Variants in DIAPH3 observed in about 807,000 individuals in gnomAD.
DIAPH3 encodes protein diaphanous homolog 3.
In DIAPH3, 117 loss-of-function variants were observed where a neutral mutation model predicts 144.3. That is an observed-to-expected ratio of 0.81 (90% confidence interval 0.70 to 0.95). DIAPH3 has a LOEUF of 0.95. Ranked by LOEUF, DIAPH3 falls within the 40% of genes least tolerant of loss-of-function variation. The probability of loss-of-function intolerance (pLI) is 0.00; values close to 1 mark genes in which losing one functional copy is unlikely to be tolerated. For synonymous variants in DIAPH3, 519 were observed against 488.9 expected (o/e 1.06, Z -0.81); for missense variants, 1,421 against 1,412.7 (o/e 1.01, Z -0.09).
intron 27 of DIAPH3, among the ~76,000 whole-genome samples, chr13:59,680,804 GTAC>G (rs1365353186): frequency 6.6e-6 from 1 of 151,934 alleles, no homozygotes; most frequent in Non-Finnish European, 1.5e-5. Flanking sequence ...TTTTGCAATG[GTAC>G]TACTTTTCTC....
At chr13:59,908,224 G>A (rs2046828041) in intron 20 of DIAPH3, among the ~76,000 whole-genome samples, 1 of 151,576 alleles carries the variant, frequency 6.6e-6, no homozygotes, top group Non-Finnish European at 1.5e-5. Flanking sequence ...CAAAAAGTTG[G>A]CTGGGCTTGG....
intron 27 of DIAPH3, among the ~76,000 whole-genome samples, chr13:59,760,500 TACA>T (rs1209089602): frequency 1.7e-4 from 26 of 152,218 alleles, no homozygotes; most frequent in Non-Finnish European, 1.2e-4. Flanking sequence ...AGAGCTAAAA[TACA>T]ACAAGATGTT....
At chr13:60,032,840 T>C (rs2054905652) in intron 5 of DIAPH3, among the ~76,000 whole-genome samples, 1 of 152,246 alleles carries the variant, frequency 6.6e-6, no homozygotes, top group African/African-American at 2.4e-5. Context: ...AAAACCTTTT[T>C]CTTTGCCACA....
chr13:59,916,650 T>C (rs999461725), intron 18 of DIAPH3, among the ~76,000 whole-genome samples: 1 of 152,178 alleles, frequency 6.6e-6, no homozygotes, highest in African/African-American at 2.4e-5. Context: ...GCATATGTAT[T>C]ATTTGCTTGT....
intron 27 of DIAPH3, among the ~76,000 whole-genome samples, chr13:59,713,595 TGG>T (rs1202716485): frequency 6.6e-6 from 1 of 151,874 alleles, no homozygotes; most frequent in Non-Finnish European, 1.5e-5. Context: ...GGCAGCAGTG[TGG>T]GGGACTAAAG....
At chr13:59,796,139 T>C (rs941375435) in intron 25 of DIAPH3, among the ~76,000 whole-genome samples, 7 of 152,190 alleles carry the variant, frequency 4.6e-5, no homozygotes, top group Admixed American at 1.3e-4. Context: ...TCTGTGGGTG[T>C]TTATAAACAT....
Position 59,726,651 on chromosome 13 carries a change from G to A in DIAPH3, c.3319+47538C>T, listed in dbSNP as rs2035615797. On this transcript the variant is annotated intron_variant, in intron 27 of 27. Transcript: ENST00000400324. The stretch of plus-strand genomic sequence containing the variant: ...GTCTCACTCCTCAATGCCTGGCCAA[G>A]AGGGGCTCAGATGGCTGATGTAGTG... Among the ~76,000 whole-genome samples, 3 of 152,164 alleles carry A rather than the reference G, an allele frequency of 2.0e-5. No homozygotes were observed. In the South Asian group the frequency reaches 6.2e-4, roughly 32 times the overall value.
At chr13:59,676,178 C>T (rs2032638771) in intron 27 of DIAPH3, among the ~76,000 whole-genome samples, 1 of 152,200 alleles carries the variant, frequency 6.6e-6, no homozygotes, top group African/African-American at 2.4e-5. Context: ...TTGGTGGAAC[C>T]ACCTAGCCAA....
At chr13:59,760,541 C>T (rs1016942374) in intron 27 of DIAPH3, among the ~76,000 whole-genome samples, 8 of 152,152 alleles carry the variant, frequency 5.3e-5, no homozygotes, top group East Asian at 3.8e-4. Context: ...TAAACCCTAA[C>T]GGTATTTACT....
chr13:59,787,101 A>C (rs1245251175), intron 25 of DIAPH3, among the ~76,000 whole-genome samples: 1 of 152,166 alleles, frequency 6.6e-6, no homozygotes, highest in Non-Finnish European at 1.5e-5. Flanking sequence ...ACCTTGTCTC[A>C]ATAACAATAA....
At position 59,816,761 on chromosome 13, in the gene DIAPH3, T is replaced by A. The variant is rs188682972; in HGVS notation, c.3028-5838A>T. Among the ~76,000 whole-genome samples, 6 of 151,966 alleles carry A rather than the reference T, an allele frequency of 3.9e-5. No individual in the cohort carries two copies. The East Asian group carries it at 1.2e-3, about 29-fold the overall frequency. ...CATATTTTGGGGGTACATATGATAA[T>A]CTGATACTTTTATATAATGTGTAAA... On this transcript the variant is annotated intron_variant, in intron 24 of 27. Coordinates refer to ENST00000400324, the MANE Select transcript of DIAPH3 (RefSeq NM_001042517.2).
intron 27 of DIAPH3, among the ~76,000 whole-genome samples, chr13:59,712,994 G>C (rs1422032078): frequency 1.3e-5 from 2 of 152,022 alleles, no homozygotes; most frequent in African/African-American, 4.8e-5. Context: ...AATAGAGTTC[G>C]TGCTCCTATG....
intron 27 of DIAPH3, among the ~76,000 whole-genome samples, chr13:59,738,044 G>C (rs1178632611): frequency 6.6e-6 from 1 of 152,062 alleles, no homozygotes; most frequent in African/African-American, 2.4e-5. Context: ...GTGGGCACCT[G>C]TAATCCTAGC....
At chr13:59,986,988 T>G (rs1421554322) in intron 12 of DIAPH3, among the ~76,000 whole-genome samples, 90 of 151,584 alleles carry the variant, frequency 5.9e-4, no homozygotes, top group East Asian at 2.0e-3. Context: ...TATACCCAAA[T>G]GACTATAAAT....
intron 21 of DIAPH3, among the ~76,000 whole-genome samples, chr13:59,874,605 G>T (rs866443626): frequency 6.6e-6 from 1 of 152,052 alleles, no homozygotes; most frequent in Non-Finnish European, 1.5e-5. Context: ...ACTCTGAGAC[G>T]AACTCATTAG....
intron 12 of DIAPH3, among the ~76,000 whole-genome samples, chr13:59,988,807 T>C (rs2051607394): frequency 6.6e-6 from 1 of 151,864 alleles, no homozygotes; most frequent in Non-Finnish European, 1.5e-5. Context: ...CGTGGTATTT[T>C]ACACATGGTA....
In DIAPH3 at chr13:60,026,595, T is replaced by C. The variant is rs535575777; in HGVS notation, c.627-10450A>G. Among the ~76,000 whole-genome samples the C allele has an allele frequency of 2.6e-5, 4 of 152,102 alleles. No homozygotes were observed. The South Asian group carries it at 8.4e-4, about 32-fold the overall frequency. On this transcript the variant is annotated intron_variant, in intron 5 of 27. Transcript: ENST00000400324. ...AAATGTCTACAGAAAAAAATGTTTA[T>C]GCTTTAGATTGAAAAAAAAAATGTT...
At chr13:59,886,882 T>C (rs1171096757) in intron 20 of DIAPH3, among the ~76,000 whole-genome samples, 2 of 152,066 alleles carry the variant, frequency 1.3e-5, no homozygotes, top group African/African-American at 2.4e-5. Flanking sequence ...TTTCCTCTAA[T>C]GTATTCATCT....
intron 24 of DIAPH3, among the ~76,000 whole-genome samples, chr13:59,823,093 T>C (rs2041165039): frequency 6.6e-6 from 1 of 152,158 alleles, no homozygotes; most frequent in African/African-American, 2.4e-5. Flanking sequence ...ACAAACAAAA[T>C]ACTGAAAATG....
Sources: allele counts gnomAD v4.1 joint callset (sites outside exome capture counted in the v4.1 genomes callset), GRCh38; gene constraint gnomAD v4.1.1; transcripts MANE v1.5; gene names NCBI Gene and HGNC (gene_info 2026-07-23, HGNC 2026-07-21).